SWAP70: variants seen among roughly 807,000 people sequenced by gnomAD.
SWAP70 encodes switch-associated protein 70.
A neutral mutation model predicts 80.2 loss-of-function variants in SWAP70; 34 were observed. The ratio of observed to expected loss-of-function variants is 0.42; its 90% CI spans 0.32 to 0.56. SWAP70 has a LOEUF of 0.56. SWAP70 is among the 20% of genes least tolerant of loss of function. SWAP70 has a pLI of 0.09. For synonymous variants in SWAP70, 239 were observed against 238.5 expected, an observed-to-expected ratio of 1.00 and a Z score of -0.02; for missense variants, 578 against 690.7, an observed-to-expected ratio of 0.84 and a Z score of 1.83.
intron 1 of SWAP70, among the ~76,000 whole-genome samples, chr11:9,675,984 A>G (rs944398730): frequency 1.3e-5 from 2 of 152,240 alleles, no homozygotes; most frequent in Admixed American, 6.5e-5. Flanking sequence ...TTCAGGCTGA[A>G]CTAACCAGGA....
At chr11:9,714,970 CTTT>C (rs34803928) in intron 3 of SWAP70, among the ~76,000 whole-genome samples, 2 of 110,000 alleles carry the variant, frequency 1.8e-5, no homozygotes, top group Non-Finnish European at 3.6e-5. Context: ...CCACACCTGC[CTTT>C]TTTTTTTTTT....
intron 1 of SWAP70, among the ~76,000 whole-genome samples, chr11:9,685,549 C>A (rs1460942985): frequency 3.3e-5 from 5 of 152,116 alleles, no homozygotes; most frequent in Admixed American, 6.6e-5. Context: ...AGGGAACTCT[C>A]TCCCTTCAAC....
chr11:9,678,718 C>T (rs1019521091), intron 1 of SWAP70, among the ~76,000 whole-genome samples: 9 of 151,942 alleles, frequency 5.9e-5, no homozygotes, highest in African/African-American at 2.2e-4. Flanking sequence ...CTTTAGGCGA[C>T]CTTCTCCCAG....
intron 2 of SWAP70, among the ~76,000 whole-genome samples, chr11:9,712,832 G>A (rs779040066): frequency 6.7e-5 from 10 of 150,168 alleles, no homozygotes; most frequent in South Asian, 2.1e-4. Context: ...TCCGCCTCCC[G>A]GGTTCAGGCA....
chr11:9,671,702 G>C (rs1371918503), intron 1 of SWAP70, among the ~76,000 whole-genome samples: 1 of 94,878 alleles, frequency 1.1e-5, no homozygotes, highest in Non-Finnish European at 1.8e-5. Flanking sequence ...ATATTTCTAT[G>C]TATACATAGA....
chr11:9,681,112 G>C (rs1850562588), intron 1 of SWAP70: 1 of 152,410 alleles, frequency 6.6e-6, no homozygotes, highest in Non-Finnish European at 1.5e-5. Context: ...TTCGGTCAAG[G>C]GTATATGAGT....
intron 2 of SWAP70, among the ~76,000 whole-genome samples, chr11:9,711,276 G>GTCCAGATAA (rs1850994553): frequency 6.6e-6 from 1 of 152,050 alleles, no homozygotes; most frequent in Non-Finnish European, 1.5e-5. Flanking sequence ...AACTCTTTCA[G>GTCCAGATAA]TCCAGATAAA....
intron 3 of SWAP70, among the ~76,000 whole-genome samples, chr11:9,715,026 G>A (rs1481894670): frequency 6.8e-6 from 1 of 146,138 alleles, no homozygotes; most frequent in Non-Finnish European, 1.5e-5. Flanking sequence ...CCTGGCTGGA[G>A]TGCAGTGGTG....
chr11:9,693,772 C>G (rs145134422), intron 1 of SWAP70, among the ~76,000 whole-genome samples: 107 of 152,320 alleles, frequency 7.0e-4, no homozygotes, highest in African/African-American at 2.5e-3. Context: ...AATTGGCTGA[C>G]TCTGCTCTAC....
At position 9,750,647 on chromosome 11, in the gene SWAP70, C is replaced by G. The variant is rs1851576500; in HGVS notation, c.*677C>G. On this transcript the variant is annotated 3_prime_UTR_variant, in exon 12 of 12. Coordinates refer to ENST00000318950, the MANE Select transcript of SWAP70 (RefSeq NM_015055.4). ...TGGAGGGGCTCACTGCCACTGGGTA[C>G]TCAGAACCTCTGTGGACTGGATGTC... The G allele has an allele frequency of 6.6e-6, 1 of 152,334 alleles. No individual in the cohort carries two copies. The highest frequency in any genetic ancestry group is 1.5e-5 in the Non-Finnish European group (1 of 68,124). 9.4% of individuals were successfully genotyped at this position (152,334 alleles called of 1,614,324 possible).
chr11:9,706,765 T>C (rs2134465114), intron 2 of SWAP70, among the ~76,000 whole-genome samples: 1 of 152,332 alleles, frequency 6.6e-6, no homozygotes, highest in East Asian at 1.9e-4. Context: ...ATTCTTCGTG[T>C]TGTGTACCTT....
At chr11:9,671,098 AATATATAAATATAAAAAT>A (rs1197373885) in intron 1 of SWAP70, among the ~76,000 whole-genome samples, 10 of 140,556 alleles carry the variant, frequency 7.1e-5, no homozygotes, top group East Asian at 2.0e-4. Flanking sequence ...AATATATATA[AATATATAAATATAAAAAT>A]ATATATAAAT....
intron 2 of SWAP70, among the ~76,000 whole-genome samples, chr11:9,702,246 CA>C (rs1351862821): frequency 2.6e-5 from 4 of 152,130 alleles, no homozygotes; most frequent in African/African-American, 9.7e-5. Flanking sequence ...CTTCAGTGCT[CA>C]AAGCACTTCA....
intron 1 of SWAP70, among the ~76,000 whole-genome samples, chr11:9,668,943 T>TAAAAGGCTA: frequency 6.6e-6 from 1 of 152,254 alleles, no homozygotes; most frequent in Admixed American, 6.5e-5. Flanking sequence ...GTAGGCAAAT[T>TAAAAGGCTA]AAAAGGCTAA....
At chr11:9,746,766 C>G (rs545217267) in intron 9 of SWAP70, among the ~76,000 whole-genome samples, 1 of 152,172 alleles carries the variant, frequency 6.6e-6, no homozygotes, top group African/African-American at 2.4e-5. Context: ...GAAAAAACTT[C>G]GTAAGAATTG....
intron 4 of SWAP70, among the ~76,000 whole-genome samples, chr11:9,725,232 C>A (rs1381758587): frequency 1.3e-5 from 2 of 151,534 alleles, no homozygotes; most frequent in Non-Finnish European, 2.9e-5. Context: ...CCCACGTCGG[C>A]CTCCCAAAGT....
At chr11:9,732,223 T>C (rs571828737) in intron 6 of SWAP70, among the ~76,000 whole-genome samples, 82 of 152,294 alleles carry the variant, frequency 5.4e-4, no homozygotes, top group African/African-American at 1.9e-3. Flanking sequence ...AGATCGAGTG[T>C]TTCTGAGCAC....
chr11:9,726,767 T>C, intron 4 of SWAP70: 1 of 409,056 alleles, frequency 2.4e-6, no homozygotes. Flanking sequence ...TAATAATGTA[T>C]AATTTTGCTT....
At chr11:9,668,103 C>T (rs765446076) in intron 1 of SWAP70, among the ~76,000 whole-genome samples, 2 of 151,986 alleles carry the variant, frequency 1.3e-5, no homozygotes, top group Non-Finnish European at 2.9e-5. Context: ...TGGCTGGGCT[C>T]ATCTCAAACT....
Sources: allele counts gnomAD v4.1 joint callset (sites outside exome capture counted in the v4.1 genomes callset), GRCh38; gene constraint gnomAD v4.1.1; transcripts MANE v1.5; gene names NCBI Gene and HGNC (gene_info 2026-07-23, HGNC 2026-07-21).